CACNA1S: variants seen among roughly 807,000 people sequenced by gnomAD.
The protein encoded by CACNA1S is calcium voltage-gated channel subunit alpha1 S.
CACNA1S carries 126 observed loss-of-function variants against 207.4 expected under a neutral mutation model. The observed-to-expected ratio is 0.61, with a 90% CI of 0.53 to 0.70. The LOEUF (loss-of-function observed/expected upper bound fraction) is 0.70, where lower values mean the gene tolerates loss of function less well. CACNA1S is among the 30% of genes least tolerant of loss of function. CACNA1S has a pLI of 0.00. For synonymous variants in CACNA1S, 960 were observed against 932.7 expected (o/e 1.03, Z -0.53); for missense variants, 2,349 against 2,422.8 (o/e 0.97, Z 0.64).
chr1:201,096,041 A>G (rs1232354074), intron 2 of CACNA1S, among the ~76,000 whole-genome samples: 2 of 152,248 alleles, frequency 1.3e-5, no homozygotes, highest in African/African-American at 4.8e-5. Context: ...GAGGCAAGGA[A>G]AAACAGGACC....
chr1:201,050,918 G>T, intron 33 of CACNA1S, 66 bp downstream of exon 33: 1 of 1,539,104 alleles, frequency 6.5e-7, no homozygotes, highest in Non-Finnish European at 9.0e-7. Flanking sequence ...GAAGGGGCAG[G>T]CAGGCTCCCC....
Position 201,074,503 on chromosome 1 carries a change from C to A in CACNA1S, c.2063+3G>T. On this transcript the variant is annotated splice_donor_region_variant and intron_variant, in intron 14 of 43. Coordinates refer to ENST00000362061, the MANE Select transcript of CACNA1S (RefSeq NM_000069.3). Reference sequence around the variant, plus strand: ...GGTCCCTTCCTGCTAAGGAAGCACTCACTTGGACATCTTCCTGCGTTTTTT... The same window carrying A: ...GGTCCCTTCCTGCTAAGGAAGCACTAACTTGGACATCTTCCTGCGTTTTTT... The A allele has an allele frequency of 1.3e-6, 2 of 1,594,514 alleles. No homozygotes were observed. Among genetic ancestry groups the A allele is most frequent in the Non-Finnish European group, 1.7e-6 (2 of 1,162,498 alleles).
At chr1:201,054,638 A>T in intron 28 of CACNA1S, 77 bp from the exon 29 acceptor site, 2 of 1,178,298 alleles carry the variant, frequency 1.7e-6, no homozygotes, top group Non-Finnish European at 2.4e-6. Context: ...AGGTGAAGAG[A>T]CGTGTCAGAA....
intron 32 of CACNA1S, among the ~76,000 whole-genome samples, chr1:201,051,843 G>A (rs1478496730): frequency 6.6e-6 from 1 of 152,192 alleles, no homozygotes; most frequent in Non-Finnish European, 1.5e-5. Flanking sequence ...GTTTGGAGTT[G>A]AGGTGCAGAG....
At chr1:201,059,015 G>A (rs918890069) in intron 27 of CACNA1S, among the ~76,000 whole-genome samples, 174 bp downstream of exon 27, 16 of 152,324 alleles carry the variant, frequency 1.1e-4, no homozygotes, top group Non-Finnish European at 2.4e-4. Context: ...GCTGCATGAA[G>A]ATCTGCCTGC....
intron 34 of CACNA1S, 46 bp downstream of exon 34, chr1:201,050,343 G>T: frequency 6.2e-7 from 1 of 1,608,770 alleles, no homozygotes; most frequent in Non-Finnish European, 8.5e-7. Context: ...CGGTAGGAAG[G>T]GTCTAGGATG....
At chr1:201,095,151 T>G (rs1037699387) in intron 2 of CACNA1S, among the ~76,000 whole-genome samples, 3 of 151,358 alleles carry the variant, frequency 2.0e-5, no homozygotes, top group African/African-American at 7.3e-5. Flanking sequence ...TGTATACATA[T>G]ATATACATAT....
chr1:201,046,100 A>G (rs1660459038), intron 38 of CACNA1S, among the ~76,000 whole-genome samples: 1 of 152,172 alleles, frequency 6.6e-6, no homozygotes, highest in African/African-American at 2.4e-5. Context: ...AAATAAAACC[A>G]GATAAGATAA....
intron 10 of CACNA1S, among the ~76,000 whole-genome samples, chr1:201,079,014 G>A (rs760296736): frequency 1.8e-4 from 27 of 151,464 alleles, no homozygotes; most frequent in Non-Finnish European, 3.2e-4. Context: ...CCAGCTACTC[G>A]GGAGGCTGAG....
At position 201,061,455 on chromosome 1, in the gene CACNA1S, C is replaced by T. The variant is rs551510986; in HGVS notation, c.3067G>A (p.Ala1023Thr). 25 of 1,614,040 alleles carry T rather than the reference C, an allele frequency of 1.5e-5. No homozygotes were observed. The African/African-American group carries it at 2.1e-4, about 14-fold the overall frequency. Residue 1023 changes from alanine to threonine, a missense_variant, in exon 25 of 44, where the codon GCC (alanine) becomes ACC (threonine). Ala to Thr is a moderately conservative substitution (Grantham distance 58). Coordinates refer to ENST00000362061, the MANE Select transcript of CACNA1S (RefSeq NM_000069.3). Reference protein sequence around the residue: ...FEGWPQLLYKAIDSNAEDVGP... With the variant: ...FEGWPQLLYKTIDSNAEDVGP... ...ACGTCCTCCGCATTGGAGTCTATGGCCTTGTACAGCAGCCTGGGGGTGGGC... is the reference window on the plus strand; with the variant it reads ...ACGTCCTCCGCATTGGAGTCTATGGTCTTGTACAGCAGCCTGGGGGTGGGC...
intron 23 of CACNA1S, 142 bp downstream of exon 23, chr1:201,062,319 AC>A: frequency 3.0e-6 from 3 of 996,618 alleles, no homozygotes; most frequent in Non-Finnish European, 4.7e-6. Flanking sequence ...TCATCCACCA[AC>A]ACACAGTCCC....
Position 201,069,154 on chromosome 1 carries a change from CA to C in CACNA1S, c.2532del (p.Val845TrpfsTer7). ...TCACTCACCTTGAGGACAATCTCCA[CA>C]GTGAAGACAGAGGTGAACCCGATGT... ...HFDIGFTSVFTVEIVLKMTTY... is the reference protein window; with the variant it reads ...HFDIGFTSVFXVEIVLKMTTY... On this transcript the variant is annotated frameshift_variant, in exon 19 of 44. Transcript: ENST00000362061. LOFTEE classifies it high-confidence loss of function. 1.2e-6 allele frequency: 2 copies of C among 1,614,136 alleles called. No individual in the cohort carries two copies. The highest frequency in any genetic ancestry group is 1.7e-6 in the Non-Finnish European group (2 of 1,179,974).
chr1:201,079,069 C>T (rs1290346557), intron 10 of CACNA1S, among the ~76,000 whole-genome samples: 14 of 147,634 alleles, frequency 9.5e-5, no homozygotes, highest in South Asian at 4.3e-4. Flanking sequence ...TGCAGTGAGC[C>T]GAGATCAAGC....
Position 201,071,324 on chromosome 1 carries a change from G to C in CACNA1S, c.2228-920C>G, listed in dbSNP as rs187947289. ...TCCAATTTTTCTGTTCCCCCGAGAA[G>C]CTAGAACTCTTATTCCTTGGAATGA... On this transcript the variant is annotated intron_variant, in intron 16 of 43. Transcript: ENST00000362061. Among the ~76,000 whole-genome samples, 466 of 152,156 alleles carry C rather than the reference G, an allele frequency of 3.1e-3. 3 individuals are homozygous for C. The highest frequency in any genetic ancestry group is 0.011 in the African/African-American group (451 of 41,504).
In CACNA1S at chr1:201,077,078, G is replaced by C; in HGVS notation, c.1669C>G (p.Arg557Gly). The change falls in exon 12 of 44, where the codon CGC becomes GGC. Residue 557 changes from arginine (R) to glycine (G), a missense_variant. Coordinates refer to ENST00000362061, the MANE Select transcript of CACNA1S (RefSeq NM_000069.3). ...AGCAGCAGCAGGGAGGCGATGGAGC[G>C]GATGGAGTTGAGCAGGGATGCCACC... Reference protein sequence around the residue: ...NLVASLLNSIRSIASLLLLLF... With the variant: ...NLVASLLNSIGSIASLLLLLF... 6.2e-7 allele frequency: 1 copy of C among 1,614,190 alleles called. No individual in the cohort carries two copies. The highest frequency in any genetic ancestry group is 8.5e-7 in the Non-Finnish European group (1 of 1,180,036).
In CACNA1S at chr1:201,049,075, C is replaced by T. The variant is rs2102555682; in HGVS notation, c.4266G>A (p.Val1422=). Residue 1422 remains valine (V), a synonymous_variant, in exon 35 of 44, where the codon GTG becomes GTA. Coordinates refer to ENST00000362061, the MANE Select transcript of CACNA1S (RefSeq NM_000069.3). Reference sequence around the variant, plus strand: ...GCTGAATCCTTCTCAGCAGGGTCACCACGTCCAGGTGTTTGATTCTCCCCC... The same window carrying T: ...GCTGAATCCTTCTCAGCAGGGTCACTACGTCCAGGTGTTTGATTCTCCCCC... ...EAKGRIKHLD[V]VTLLRRIQPP... 3 of 1,613,352 alleles carry T rather than the reference C, an allele frequency of 1.9e-6. No homozygotes were observed. Among genetic ancestry groups the T allele is most frequent in the Non-Finnish European group, 2.5e-6 (3 of 1,179,728 alleles).
In CACNA1S at chr1:201,043,367, G is replaced by A. The variant is rs370339547; in HGVS notation, c.4962C>T (p.Asn1654=). Reference sequence around the variant, plus strand: ...TGTTGGTATTGGCACGAGCCAGGGGGTTGGTGCGTGGATCTTGTGGGAAGT... The same window carrying A: ...TGTTGGTATTGGCACGAGCCAGGGGATTGGTGCGTGGATCTTGTGGGAAGT... ...LEDFPQDPRT[N]PLARANTNNA... is the part of the protein sequence containing the mutation. The change falls in exon 40 of 44, where the codon AAC becomes AAT. Residue 1654 remains asparagine (N), a synonymous_variant. Transcript: ENST00000362061. 1.4e-4 allele frequency: 229 copies of A among 1,614,108 alleles called. No homozygotes were observed. Among genetic ancestry groups the A allele is most frequent in the Non-Finnish European group, 1.9e-4 (220 of 1,180,056 alleles).
intron 2 of CACNA1S, among the ~76,000 whole-genome samples, chr1:201,102,163 C>A (rs1161674904): frequency 6.6e-6 from 1 of 152,106 alleles, no homozygotes; most frequent in Non-Finnish European, 1.5e-5. Flanking sequence ...GACCTGAAGA[C>A]AAGAAAGGGG....
intron 10 of CACNA1S, among the ~76,000 whole-genome samples, chr1:201,079,370 C>T (rs1661760914): frequency 6.6e-6 from 1 of 152,164 alleles, no homozygotes; most frequent in African/African-American, 2.4e-5. Context: ...CCCTCCTGCT[C>T]CTGACCTCCC....
Sources: allele counts gnomAD v4.1 joint callset (sites outside exome capture counted in the v4.1 genomes callset), GRCh38; gene constraint gnomAD v4.1.1; transcripts MANE v1.5; gene names NCBI Gene and HGNC (gene_info 2026-07-23, HGNC 2026-07-21).